STXBP6: variants seen among roughly 807,000 people sequenced by gnomAD.
The protein encoded by STXBP6 is syntaxin-binding protein 6.
A neutral mutation model predicts 26.9 loss-of-function variants in STXBP6; 21 were observed. The ratio of observed to expected loss-of-function variants is 0.78; its 90% CI spans 0.55 to 1.12. The LOEUF (loss-of-function observed/expected upper bound fraction) is 1.12. Ranked by LOEUF, STXBP6 falls within the 50% of genes most tolerant of loss-of-function variation. The pLI is 0.00. For synonymous variants in STXBP6, 97 were observed against 92.6 expected (o/e 1.05, Z -0.27); for missense variants, 232 against 257.9 (o/e 0.90, Z 0.69).
chr14:24,837,259 T>G (rs2068646232), intron 4 of STXBP6, among the ~76,000 whole-genome samples: 1 of 152,220 alleles, frequency 6.6e-6, no homozygotes, highest in South Asian at 2.1e-4. Flanking sequence ...AAAAGTGGTG[T>G]AAGAACTATG....
intron 2 of STXBP6, among the ~76,000 whole-genome samples, chr14:24,907,828 C>T (rs2071436561): frequency 6.6e-6 from 1 of 151,822 alleles, no homozygotes; most frequent in Non-Finnish European, 1.5e-5. Context: ...TCCATTTCCT[C>T]TGCAAGGTGC....
chr14:24,919,528 CT>C (rs563326736), intron 2 of STXBP6, among the ~76,000 whole-genome samples: 1,573 of 144,324 alleles, frequency 0.011, 17 homozygotes, highest in East Asian at 0.027. Context: ...TCAATACGCA[CT>C]TTTTTTTTTT....
At chr14:25,003,984 C>T (rs1032313084) in intron 1 of STXBP6, among the ~76,000 whole-genome samples, 1 of 152,162 alleles carries the variant, frequency 6.6e-6, no homozygotes, top group African/African-American at 2.4e-5. Context: ...ATATATAAAG[C>T]ACTGTTTATG....
chr14:24,974,868 G>C lies in STXBP6; in HGVS notation c.-32-18C>G. ...CAGTGAATCTTTTAAAGAAGGAAAA[G>C]AAAGGAAAGTTGGAATTGACAACAT... On this transcript the variant is annotated intron_variant, in intron 1 of 5. Transcript: ENST00000323944. The C allele has an allele frequency of 6.7e-7, 1 of 1,498,924 alleles. No homozygotes were observed. The highest frequency in any genetic ancestry group is 9.0e-7 in the Non-Finnish European group (1 of 1,113,944). The allele number at this position is 1,498,924 out of a possible 1,614,324, so 92.9% of individuals were successfully genotyped here.
intron 1 of STXBP6, among the ~76,000 whole-genome samples, chr14:24,991,852 T>C (rs1416731755): frequency 2.0e-5 from 3 of 152,188 alleles, no homozygotes; most frequent in African/African-American, 7.2e-5. Context: ...TAGAGAGCGG[T>C]AGACGGCCCA....
chr14:24,964,428 T>C (rs924813680), intron 2 of STXBP6, among the ~76,000 whole-genome samples: 5 of 152,144 alleles, frequency 3.3e-5, no homozygotes, highest in African/African-American at 1.2e-4. Flanking sequence ...ATTCTGCATA[T>C]GGTTTAGCAT....
intron 2 of STXBP6, among the ~76,000 whole-genome samples, chr14:24,869,329 A>G (rs73591667): frequency 0.032 from 4,947 of 152,308 alleles, 273 homozygotes; most frequent in African/African-American, 0.11. Flanking sequence ...AGCTTCTCTC[A>G]TAAAGAAAGC....
chr14:25,029,770 G>A (rs10138896), intron 1 of STXBP6, among the ~76,000 whole-genome samples: 4,961 of 152,194 alleles, frequency 0.033, 282 homozygotes, highest in African/African-American at 0.11. Flanking sequence ...ATTAGGAAGA[G>A]GAAAAAGAAT....
chr14:24,815,926 C>T (rs1371488347), intron 5 of STXBP6: 1 of 152,110 alleles, frequency 6.6e-6, no homozygotes, highest in Admixed American at 6.5e-5. Context: ...GAAGGCAGGG[C>T]GGAAGGATCA....
chr14:24,949,724 C>G (rs1483064467), intron 2 of STXBP6, among the ~76,000 whole-genome samples: 1 of 151,868 alleles, frequency 6.6e-6, no homozygotes, highest in Admixed American at 6.6e-5. Context: ...TTAAGTTTAC[C>G]CTAAAAGTTT....
chr14:25,022,778 C>G (rs947954114), intron 1 of STXBP6, among the ~76,000 whole-genome samples: 1 of 152,172 alleles, frequency 6.6e-6, no homozygotes, highest in Non-Finnish European at 1.5e-5. Flanking sequence ...CCTACCATCT[C>G]TATACTGAAA....
chr14:25,019,868 GTT>G (rs35017131), intron 1 of STXBP6, among the ~76,000 whole-genome samples: 4 of 128,234 alleles, frequency 3.1e-5, no homozygotes, highest in African/African-American at 5.7e-5. Flanking sequence ...AGTTTCGTGG[GTT>G]TTTTTTTTTT....
chr14:24,922,068 G>C (rs7155229), intron 2 of STXBP6, among the ~76,000 whole-genome samples: 13,647 of 151,998 alleles, frequency 0.09, 690 homozygotes, highest in East Asian at 0.17. Context: ...ATTTACCAAA[G>C]TCTTTGTACA....
In STXBP6 at chr14:24,992,417, GA is replaced by G. The variant is rs367598024; in HGVS notation, c.-32-17568del. ...ACAAATTTGAAGAAAAAATAAGTAG[GA>G]AAAAAAAAGGTCAAAGACACAAACT... On this transcript the variant is annotated intron_variant, in intron 1 of 5. Coordinates refer to ENST00000323944, the MANE Select transcript of STXBP6 (RefSeq NM_001394410.1). Among the ~76,000 whole-genome samples, 1,129 of 150,272 alleles carry G rather than the reference GA, an allele frequency of 7.5e-3. 9 individuals are homozygous for G. Among genetic ancestry groups the G allele is most frequent in the African/African-American group, 0.026 (1,064 of 40,924 alleles).
intron 2 of STXBP6, 23 bp from the exon 3 acceptor site, chr14:24,857,180 A>T (rs1332911221): frequency 1.2e-6 from 2 of 1,612,124 alleles, no homozygotes; most frequent in African/African-American, 2.7e-5. Flanking sequence ...GATCACTCAG[A>T]TTAGTGCACC....
intron 4 of STXBP6, among the ~76,000 whole-genome samples, chr14:24,834,115 C>T (rs1411816164): frequency 2.0e-5 from 3 of 152,152 alleles, no homozygotes; most frequent in African/African-American, 7.2e-5. Context: ...TCCATCTCAG[C>T]CTCTGAGTAG....
At chr14:25,002,559 C>CA (rs2074789218) in intron 1 of STXBP6, among the ~76,000 whole-genome samples, 1 of 151,826 alleles carries the variant, frequency 6.6e-6, no homozygotes, top group East Asian at 1.9e-4. Flanking sequence ...CGGGGTTTCA[C>CA]CAGGTTAACC....
intron 4 of STXBP6, among the ~76,000 whole-genome samples, chr14:24,852,393 C>T (rs549775307): frequency 4.6e-5 from 7 of 152,224 alleles, no homozygotes; most frequent in African/African-American, 1.7e-4. Flanking sequence ...CACTGACTTC[C>T]ATTGTTAGGA....
At chr14:24,933,471 G>A (rs1355183370) in intron 2 of STXBP6, among the ~76,000 whole-genome samples, 2 of 152,200 alleles carry the variant, frequency 1.3e-5, no homozygotes, top group East Asian at 1.9e-4. Flanking sequence ...ACAGCAAGGA[G>A]ACAGAAGAAA....
Sources: allele counts gnomAD v4.1 joint callset (sites outside exome capture counted in the v4.1 genomes callset), GRCh38; gene constraint gnomAD v4.1.1; transcripts MANE v1.5; gene names NCBI Gene and HGNC (gene_info 2026-07-23, HGNC 2026-07-21).